Variants in VWA8 observed in about 807,000 individuals in gnomAD.
VWA8 encodes von Willebrand factor A domain-containing protein 8.
In VWA8, 221 loss-of-function variants were observed where a neutral mutation model predicts 241.5. The observed-to-expected ratio is 0.91, with a 90% CI of 0.82 to 1.02. VWA8 has a LOEUF of 1.02. Ranked by LOEUF, VWA8 falls within the 50% of genes least tolerant of loss-of-function variation. The probability of loss-of-function intolerance (pLI) is 0.00; values close to 1 mark genes in which losing one functional copy is unlikely to be tolerated. For synonymous variants in VWA8, 852 were observed against 827.1 expected, an observed-to-expected ratio of 1.03 and a Z score of -0.52; for missense variants, 2,322 against 2,328.7, an observed-to-expected ratio of 1.00 and a Z score of 0.06.
intron 9 of VWA8, among the ~76,000 whole-genome samples, chr13:41,870,530 T>C (rs1401158153): frequency 1.3e-5 from 2 of 150,914 alleles, no homozygotes; most frequent in South Asian, 2.1e-4. Context: ...TCCCAGCTAC[T>C]CGGGAGGCTG....
At chr13:41,834,623 TAC>T (rs1160077893) in intron 12 of VWA8, among the ~76,000 whole-genome samples, 9 of 152,212 alleles carry the variant, frequency 5.9e-5, no homozygotes, top group African/African-American at 2.2e-4. Flanking sequence ...GGAACATTTT[TAC>T]ACTGTTGGGA....
In VWA8 at chr13:41,887,304, G is replaced by A. The variant is rs370333106; in HGVS notation, c.709C>T (p.Arg237Ter). 126 of 1,613,132 alleles carry A rather than the reference G, an allele frequency of 7.8e-5. No individual in the cohort carries two copies. Among genetic ancestry groups the A allele is most frequent in the Non-Finnish European group, 1.0e-4 (121 of 1,179,730 alleles). ...WKIVRVSENF[R>*]VIALGLPVPR... ...ACTGGCAAGCCCAAGGCAATCACTC[G>A]GAAATTTTCACTAACTCGGACAATT... The change falls in exon 6 of 45, where the codon CGA becomes TGA. Residue 237 changes from arginine (R) to a stop codon, truncating the protein, a stop_gained. Transcript: ENST00000379310. LOFTEE classifies it high-confidence loss of function.
At chr13:41,766,752 G>A (rs1375747959) in intron 20 of VWA8, among the ~76,000 whole-genome samples, 1 of 151,984 alleles carries the variant, frequency 6.6e-6, no homozygotes, top group African/African-American at 2.4e-5. Flanking sequence ...TCCTCCTTTG[G>A]GTTCCTAAAC....
chr13:41,943,085 T>A (rs1381487726), intron 2 of VWA8, among the ~76,000 whole-genome samples: 1 of 152,038 alleles, frequency 6.6e-6, no homozygotes, highest in Admixed American at 6.5e-5. Flanking sequence ...GAAGAGGAAC[T>A]AAAATAAAAA....
intron 20 of VWA8, among the ~76,000 whole-genome samples, chr13:41,775,283 T>C (rs562883762): frequency 6.6e-6 from 1 of 152,282 alleles, no homozygotes; most frequent in Admixed American, 6.5e-5. Flanking sequence ...GTCTTAGAGG[T>C]TTATAATCAA....
chr13:41,740,230 T>C (rs1442397146), intron 21 of VWA8, among the ~76,000 whole-genome samples: 1 of 152,174 alleles, frequency 6.6e-6, no homozygotes, highest in Non-Finnish European at 1.5e-5. Flanking sequence ...CTGAAGCAGC[T>C]CTCTAAACAT....
intron 9 of VWA8, among the ~76,000 whole-genome samples, chr13:41,871,904 T>C (rs1792812226): frequency 6.6e-6 from 1 of 152,252 alleles, no homozygotes; most frequent in South Asian, 2.1e-4. Flanking sequence ...ATGGTTGAAC[T>C]AGTTTACAGT....
intron 19 of VWA8, among the ~76,000 whole-genome samples, 163 bp downstream of exon 19, chr13:41,783,632 C>T (rs1252705677): frequency 7.5e-6 from 1 of 133,502 alleles, no homozygotes; most frequent in African/African-American, 2.9e-5. Context: ...AGTGAGACTG[C>T]ATCACAGAAA....
rs2044268355 is a variant in VWA8 at position 41,567,420 on chromosome 13, A to G, written c.*777T>C. 1 of 152,196 alleles carries G rather than the reference A, an allele frequency of 6.6e-6. No homozygotes were observed. The allele number at this position is 152,196 out of a possible 1,614,324, so 9.4% of individuals were successfully genotyped here. ...CATTACAGTTTGGACCCCAAAATGG[A>G]GTACTGTGAATTTTTTGAGAGATGC... On this transcript the variant is annotated 3_prime_UTR_variant, in exon 45 of 45. Coordinates refer to ENST00000379310, the MANE Select transcript of VWA8 (RefSeq NM_015058.2).
At chr13:41,817,894 T>C (rs527287695) in intron 15 of VWA8, among the ~76,000 whole-genome samples, 2 of 152,196 alleles carry the variant, frequency 1.3e-5, no homozygotes, top group East Asian at 3.9e-4. Context: ...GCATTGTATA[T>C]ATGCTGTTTA....
intron 17 of VWA8, among the ~76,000 whole-genome samples, chr13:41,797,991 T>C (rs1869780107): frequency 6.6e-6 from 1 of 152,180 alleles, no homozygotes; most frequent in South Asian, 2.1e-4. Context: ...ACATTCCTAT[T>C]TGCTTATCTC....
chr13:41,717,485 T>A (rs2045355118), intron 26 of VWA8, among the ~76,000 whole-genome samples: 1 of 151,978 alleles, frequency 6.6e-6, no homozygotes, highest in Non-Finnish European at 1.5e-5. Flanking sequence ...CCATGGCTGA[T>A]CCAGGTAGAC....
intron 40 of VWA8, among the ~76,000 whole-genome samples, chr13:41,594,203 ACTTTGAACTC>A (rs1227463139): frequency 6.6e-5 from 10 of 151,918 alleles, no homozygotes; most frequent in Non-Finnish European, 1.5e-4. Context: ...GCACCCTTGA[ACTTTGAACTC>A]CTGGGCTCTA....
chr13:41,785,977 A>G (rs1869172063), intron 18 of VWA8, among the ~76,000 whole-genome samples: 1 of 152,140 alleles, frequency 6.6e-6, no homozygotes, highest in South Asian at 2.1e-4. Context: ...TCACTCATCC[A>G]ATGTTTATTG....
chr13:41,607,792 G>A (rs1365516393), intron 39 of VWA8, among the ~76,000 whole-genome samples: 30 of 152,024 alleles, frequency 2.0e-4, no homozygotes, highest in Admixed American at 2.0e-3. Flanking sequence ...ATAATCCTGA[G>A]TTGTATTTTT....
chr13:41,683,422 G>A (rs770802911), intron 35 of VWA8, among the ~76,000 whole-genome samples: 1 of 152,090 alleles, frequency 6.6e-6, no homozygotes, highest in Non-Finnish European at 1.5e-5. Context: ...AAAGAAATCA[G>A]GTCAGTGATA....
At chr13:41,849,100 G>A (rs1310978495) in intron 12 of VWA8, among the ~76,000 whole-genome samples, 1 of 152,118 alleles carries the variant, frequency 6.6e-6, no homozygotes, top group East Asian at 1.9e-4. Context: ...TCTGCCAAAT[G>A]GCTTCCACTT....
chr13:41,851,135 C>A (rs1872516239), intron 12 of VWA8, among the ~76,000 whole-genome samples: 2 of 152,146 alleles, frequency 1.3e-5, no homozygotes, highest in Admixed American at 6.5e-5. Flanking sequence ...TTCTGCTTAA[C>A]TGAAACTTTG....
intron 19 of VWA8, 96 bp downstream of exon 19, chr13:41,783,699 A>C (rs188108335): frequency 2.3e-6 from 2 of 861,300 alleles, no homozygotes; most frequent in Admixed American, 5.7e-5. Context: ...TAAATTTAGG[A>C]AATCACAAAA....
Sources: gnomAD v4.1 joint callset for allele counts (sites outside exome capture counted in the v4.1 genomes callset) on GRCh38, gnomAD v4.1.1 for gene constraint, MANE v1.5 for transcripts, NCBI Gene and HGNC (gene_info 2026-07-23, HGNC 2026-07-21) for gene names.